Variants in COA1 observed in about 807,000 individuals in gnomAD.
COA1 encodes cytochrome c oxidase assembly factor 1.
In COA1, 13 loss-of-function variants were observed where a neutral mutation model predicts 16.0. That is an observed-to-expected ratio of 0.81 (90% CI 0.53 to 1.29). COA1 has a LOEUF of 1.29. Ranked by LOEUF, COA1 falls within the 50% of genes most tolerant of loss-of-function variation. The pLI, the probability that COA1 is intolerant of heterozygous loss-of-function variation, is 0.00. For synonymous variants in COA1, 65 were observed against 65.7 expected (o/e 0.99, Z 0.05); for missense variants, 179 against 177.0 (o/e 1.01, Z -0.06).
At chr7:43,611,091 T>C (rs1409569587) in intron 6 of COA1, among the ~76,000 whole-genome samples, 2 of 152,240 alleles carry the variant, frequency 1.3e-5, no homozygotes, top group Non-Finnish European at 2.9e-5. Context: ...CACTCCAGCC[T>C]GGCTGACAGA....
chr7:43,616,211 C>T (rs185603167), intron 6 of COA1, among the ~76,000 whole-genome samples: 5 of 152,322 alleles, frequency 3.3e-5, no homozygotes, highest in Admixed American at 6.5e-5. Context: ...ATATATTTAT[C>T]GCCTGAGCAC....
intron 6 of COA1, among the ~76,000 whole-genome samples, chr7:43,620,558 CAGCT>C (rs1422800004): frequency 6.6e-6 from 1 of 151,908 alleles, no homozygotes; most frequent in Non-Finnish European, 1.5e-5. Flanking sequence ...CTTGTAGTCC[CAGCT>C]ACTCGGGAGG....
chr7:43,654,854 G>T (rs2091462227), intron 1 of COA1, among the ~76,000 whole-genome samples: 1 of 152,098 alleles, frequency 6.6e-6, no homozygotes, highest in East Asian at 1.9e-4. Flanking sequence ...ACCAACAAAG[G>T]ATGACATATT....
chr7:43,724,571 T>A (rs1367411697), intron 1 of COA1, among the ~76,000 whole-genome samples: 9 of 150,012 alleles, frequency 6.0e-5, no homozygotes, highest in Non-Finnish European at 1.0e-4. Flanking sequence ...AAAAAAAGAA[T>A]TGAAAGCAGG....
chr7:43,618,173 C>A (rs146198804), intron 6 of COA1, among the ~76,000 whole-genome samples: 1 of 152,174 alleles, frequency 6.6e-6, no homozygotes, highest in African/African-American at 2.4e-5. Context: ...ATAGAGTAAG[C>A]ATGCTGTGTA....
chr7:43,695,541 AG>A (rs1346476663), intron 1 of COA1, among the ~76,000 whole-genome samples: 1 of 152,066 alleles, frequency 6.6e-6, no homozygotes, highest in African/African-American at 2.4e-5. Context: ...TCCCTTCACT[AG>A]AATGTATGCA....
chr7:43,706,404 C>T (rs541739222), intron 1 of COA1, among the ~76,000 whole-genome samples: 183 of 151,968 alleles, frequency 1.2e-3, no homozygotes, highest in African/African-American at 4.3e-3. Flanking sequence ...AAAAATTAAC[C>T]AGACATGGTG....
intron 1 of COA1, among the ~76,000 whole-genome samples, chr7:43,725,284 TG>T (rs1336646590): frequency 6.6e-6 from 1 of 151,820 alleles, no homozygotes; most frequent in African/African-American, 2.4e-5. Flanking sequence ...AGATAGATGG[TG>T]GTTATGGTTA....
chr7:43,672,466 C>A (rs1486179303), intron 1 of COA1, among the ~76,000 whole-genome samples: 1 of 152,086 alleles, frequency 6.6e-6, no homozygotes, highest in Non-Finnish European at 1.5e-5. Flanking sequence ...ATTCAACATC[C>A]CTTCATATTA....
intron 6 of COA1, chr7:43,625,567 CACAT>C (rs757480963): frequency 6.6e-6 from 1 of 152,274 alleles, no homozygotes; most frequent in African/African-American, 2.4e-5. Flanking sequence ...ACACCACACT[CACAT>C]GCATCTGTTC....
intron 6 of COA1, chr7:43,609,649 G>A (rs10282065): frequency 0.17 from 25,210 of 152,176 alleles, 2,420 homozygotes; most frequent in Non-Finnish European, 0.21. Context: ...CAACTGTGGG[G>A]AAATGAAACA....
chr7:43,713,109 G>A (rs2095300930), intron 1 of COA1, among the ~76,000 whole-genome samples: 1 of 152,050 alleles, frequency 6.6e-6, no homozygotes, highest in Non-Finnish European at 1.5e-5. Context: ...GCACCACCAT[G>A]CCTGGCTAAT....
chr7:43,691,159 T>C (rs893070956), intron 1 of COA1, among the ~76,000 whole-genome samples: 16 of 148,786 alleles, frequency 1.1e-4, no homozygotes, highest in East Asian at 2.0e-4. Flanking sequence ...AGTGGAAGGA[T>C]TGCTCCCTGA....
At chr7:43,663,687 A>AAACAC (rs1554519874) in intron 1 of COA1, among the ~76,000 whole-genome samples, 1 of 129,264 alleles carries the variant, frequency 7.7e-6, no homozygotes, top group African/African-American at 2.7e-5. Flanking sequence ...AAAAAAAAAA[A>AAACAC]ACACACACAC....
At chr7:43,629,967 C>A (rs1480006973) in intron 6 of COA1, among the ~76,000 whole-genome samples, 1 of 152,140 alleles carries the variant, frequency 6.6e-6, no homozygotes, top group Non-Finnish European at 1.5e-5. Flanking sequence ...GGACAGTTAA[C>A]CTGAGATGAG....
intron 6 of COA1, among the ~76,000 whole-genome samples, chr7:43,616,407 C>T (rs2083347331): frequency 6.6e-6 from 1 of 152,194 alleles, no homozygotes; most frequent in Non-Finnish European, 1.5e-5. Flanking sequence ...TTCTTCCATT[C>T]ATTCACCCAA....
intron 1 of COA1, among the ~76,000 whole-genome samples, chr7:43,723,846 G>A (rs1585567906): frequency 6.6e-6 from 1 of 152,146 alleles, no homozygotes. Flanking sequence ...AGGATCACTT[G>A]AGCCCATGAG....
At chr7:43,623,428 C>A in intron 6 of COA1, 1 of 655,856 alleles carries the variant, frequency 1.5e-6, no homozygotes, top group Non-Finnish European at 2.6e-6. Context: ...TATATTAATT[C>A]ATATTAATTT....
At chr7:43,617,040 G>A (rs965597889) in intron 6 of COA1, among the ~76,000 whole-genome samples, 6 of 152,192 alleles carry the variant, frequency 3.9e-5, no homozygotes, top group South Asian at 2.1e-4. Context: ...AGAAAAAAGC[G>A]TTCTAGACTG....
Sources: allele counts gnomAD v4.1 joint callset (sites outside exome capture counted in the v4.1 genomes callset), GRCh38; gene constraint gnomAD v4.1.1; transcripts MANE v1.5; gene names NCBI Gene and HGNC (gene_info 2026-07-23, HGNC 2026-07-21).